WDR59: variants seen among roughly 807,000 people sequenced by gnomAD.
The protein encoded by WDR59 is GATOR2 complex protein WDR59.
In WDR59, 100 loss-of-function variants were observed where a neutral mutation model predicts 131.2. The ratio of observed to expected loss-of-function variants is 0.76; its 90% CI spans 0.65 to 0.90. WDR59 has a LOEUF of 0.90. Ranked by LOEUF, WDR59 falls within the 40% of genes least tolerant of loss-of-function variation. WDR59 has a pLI of 0.00. For synonymous variants in WDR59, 601 were observed against 466.2 expected, an observed-to-expected ratio of 1.29 and a Z score of -3.72; for missense variants, 1,203 against 1,262.2, an observed-to-expected ratio of 0.95 and a Z score of 0.71.
At position 74,984,977 on chromosome 16, in the gene WDR59, A is replaced by T; in HGVS notation, c.41T>A (p.Phe14Tyr). The change falls in exon 1 of 26, where the codon TTC becomes TAC. Residue 14 changes from phenylalanine (F) to tyrosine (Y), a missense_variant. Coordinates refer to ENST00000262144, the MANE Select transcript of WDR59 (RefSeq NM_030581.4). Reference sequence around the variant, plus strand: ...CCTCTAGCTCACCTGGGAGTCACGGAACTCTACAACCACGTTTTCGCTGCT... The same window carrying T: ...CCTCTAGCTCACCTGGGAGTCACGGTACTCTACAACCACGTTTTCGCTGCT... ...RWSSENVVVE[F>Y]RDSQATAMSV... 1 of 1,602,952 alleles carries T rather than the reference A, an allele frequency of 6.2e-7. No individual in the cohort carries two copies. Among genetic ancestry groups the T allele is most frequent in the South Asian group, 1.1e-5 (1 of 89,266 alleles).
Position 74,886,938 on chromosome 16 carries a change from T to A in WDR59, c.2420-542A>T, listed in dbSNP as rs1446715807. The stretch of plus-strand genomic sequence containing the variant: ...GTCCATCTCAAAAAACTAAAAAAAA[T>A]AAATAAATAAAGCAAATGATGGCAC... On this transcript the variant is annotated intron_variant, in intron 23 of 25. Transcript: ENST00000262144. Among the ~76,000 whole-genome samples the A allele has an allele frequency of 1.3e-4, 20 of 151,748 alleles. 1 individual carries two copies.
chr16:74,930,620 C>T (rs748432253), intron 8 of WDR59: 1 of 151,636 alleles, frequency 6.6e-6, no homozygotes, highest in African/African-American at 2.4e-5. Flanking sequence ...CTGCCAGGAA[C>T]GCTGGCTCAC....
At chr16:74,934,733 A>G (rs893329437) in intron 8 of WDR59, among the ~76,000 whole-genome samples, 1 of 152,198 alleles carries the variant, frequency 6.6e-6, no homozygotes, top group Non-Finnish European at 1.5e-5. Flanking sequence ...AGACTGCTTG[A>G]GCCCAGGAGT....
chr16:74,903,834 A>G, intron 18 of WDR59, 113 bp downstream of exon 18: 1 of 1,312,236 alleles, frequency 7.6e-7, no homozygotes, highest in Non-Finnish European at 1.0e-6. Context: ...ACTGATTACG[A>G]AAGTGAAAGG....
At chr16:74,946,621 C>T (rs1021338046) in intron 6 of WDR59, among the ~76,000 whole-genome samples, 6 of 151,748 alleles carry the variant, frequency 4.0e-5, no homozygotes, top group Non-Finnish European at 8.8e-5. Context: ...ACTCGGGAGG[C>T]GGAGGTGGGA....
In WDR59 at chr16:74,909,664, T is replaced by C. The variant is rs1965988198; in HGVS notation, c.1486-7A>G. 6.4e-7 allele frequency: 1 copy of C among 1,557,848 alleles called. No individual in the cohort carries two copies. Among genetic ancestry groups the C allele is most frequent in the African/African-American group, 1.4e-5 (1 of 72,314 alleles). On this transcript the variant is annotated splice_region_variant and splice_polypyrimidine_tract_variant and intron_variant, in intron 15 of 25. Transcript: ENST00000262144. ...AAGCGCTGTCTTCCTGGTTCTGAAA[T>C]TTAAAAATCCACAAGCTAAAAACCA...
At chr16:74,880,213 C>A (rs919940942) in intron 25 of WDR59, among the ~76,000 whole-genome samples, 1 of 151,870 alleles carries the variant, frequency 6.6e-6, no homozygotes, top group Non-Finnish European at 1.5e-5. Flanking sequence ...TTTGGGAGGC[C>A]GAGGCAGGAG....
At position 74,883,407 on chromosome 16, in the gene WDR59, G is replaced by A. The variant is rs565352978; in HGVS notation, c.2689+2246C>T. ...GGGTTCTGCAGTGTTTTGTACTTCC[G>A]ACAACAGTTCAGGGTTCAGCTTTAT... On this transcript the variant is annotated intron_variant, in intron 25 of 25. Transcript: ENST00000262144. 5.3e-5 allele frequency among the ~76,000 whole-genome samples: 8 copies of A among 152,228 alleles called. No homozygotes were observed. In the South Asian group the frequency reaches 1.0e-3, roughly 20 times the overall value.
At chr16:74,916,688 G>A (rs1036107582) in intron 11 of WDR59, among the ~76,000 whole-genome samples, 29 of 151,940 alleles carry the variant, frequency 1.9e-4, no homozygotes, top group Non-Finnish European at 2.9e-5. Context: ...GTGAAATGCC[G>A]TCTCTACTAA....
chr16:74,908,837 G>A, intron 17 of WDR59, 71 bp downstream of exon 17: 1 of 1,309,192 alleles, frequency 7.6e-7, no homozygotes. Flanking sequence ...CAAACTCAGT[G>A]GTCCTTCCCA....
At chr16:74,921,885 T>C in intron 10 of WDR59, 62 bp downstream of exon 10, 1 of 1,560,516 alleles carries the variant, frequency 6.4e-7, no homozygotes. Flanking sequence ...ATGGCAACAC[T>C]GACTGGCACC....
chr16:74,943,268 T>G (rs1211085389), intron 6 of WDR59, among the ~76,000 whole-genome samples: 2 of 150,268 alleles, frequency 1.3e-5, no homozygotes, highest in East Asian at 3.9e-4. Context: ...TGTTGAGCAA[T>G]AGTCTTAGAA....
chr16:74,889,522 C>A (rs967453834), intron 21 of WDR59, 181 bp downstream of exon 21: 2 of 579,226 alleles, frequency 3.5e-6, no homozygotes, highest in African/African-American at 1.9e-5. Flanking sequence ...ATGTATGGTT[C>A]TGTCTGCTAT....
chr16:74,974,271 C>T (rs190763818), intron 1 of WDR59, among the ~76,000 whole-genome samples: 16 of 152,270 alleles, frequency 1.1e-4, no homozygotes, highest in African/African-American at 2.4e-4. Context: ...CTACTAGGTA[C>T]GTCACCTAAT....
At chr16:74,931,424 C>T (rs1450979912) in intron 8 of WDR59, among the ~76,000 whole-genome samples, 1 of 152,108 alleles carries the variant, frequency 6.6e-6, no homozygotes, top group Non-Finnish European at 1.5e-5. Context: ...CAACCTCGAC[C>T]TCTTGGGCTT....
chr16:74,891,112 C>CAA (rs1220561474), intron 20 of WDR59, among the ~76,000 whole-genome samples: 93 of 65,312 alleles, frequency 1.4e-3, no homozygotes, highest in South Asian at 3.8e-3. Context: ...GACTCTGTCT[C>CAA]AAAAAAAAAA....
At chr16:74,880,442 G>A (rs1323850015) in intron 25 of WDR59, among the ~76,000 whole-genome samples, 1 of 152,028 alleles carries the variant, frequency 6.6e-6, no homozygotes, top group Non-Finnish European at 1.5e-5. Flanking sequence ...GTGAGACTCT[G>A]TCTCCAAAAA....
chr16:74,904,424 C>T, intron 17 of WDR59: 1 of 239,120 alleles, frequency 4.2e-6, no homozygotes. Context: ...ATTTTAAAAG[C>T]TCATTTATAG....
At chr16:74,975,569 C>G (rs1040230371) in intron 1 of WDR59, among the ~76,000 whole-genome samples, 2 of 150,560 alleles carry the variant, frequency 1.3e-5, no homozygotes, top group South Asian at 4.2e-4. Context: ...GAGGCTGAGG[C>G]AGGAGAATTG....
Sources: allele counts gnomAD v4.1 joint callset (sites outside exome capture counted in the v4.1 genomes callset), GRCh38; gene constraint gnomAD v4.1.1; transcripts MANE v1.5; gene names NCBI Gene and HGNC (gene_info 2026-07-23, HGNC 2026-07-21).